BRI3: variants seen among roughly 807,000 people sequenced by gnomAD.
BRI3 encodes the protein brain protein I3.
Under a neutral mutation model 12.8 loss-of-function variants are expected in BRI3, and 6 were observed. That is an observed-to-expected ratio of 0.47 (90% confidence interval 0.26 to 0.93). The LOEUF (loss-of-function observed/expected upper bound fraction) is 0.93. Among genes scored for constraint, BRI3 ranks in the 40% least tolerant of loss-of-function variants. The probability of loss-of-function intolerance (pLI) is 0.15; values close to 1 mark genes in which losing one functional copy is unlikely to be tolerated. For synonymous variants in BRI3, 91 were observed against 76.1 expected (o/e 1.20, Z -1.02); for missense variants, 134 against 171.1 (o/e 0.78, Z 1.21).
At chr7:98,307,628 G>A (rs748005285) in exon 2 of BRI3, 2 of 1,596,850 alleles carry the variant, frequency 1.3e-6, no homozygotes, top group South Asian at 1.1e-5. Context: ...TTTGCAGCTT[G>A]GCTGCTCTGG....
chr7:98,297,305 C>T (rs1800233665), downstream of BRI3, among the ~76,000 whole-genome samples: 1 of 152,240 alleles, frequency 6.6e-6, no homozygotes. Context: ...TTCCAGGGTG[C>T]CCACCACATA....
the BRI3 span, chr7:98,320,268 T>C: frequency 1.2e-6 from 2 of 1,609,894 alleles, no homozygotes; most frequent in Non-Finnish European, 1.7e-6. Flanking sequence ...GAGTTTCTTG[T>C]GGGTACTTGA....
intron 2 of BRI3, among the ~76,000 whole-genome samples, chr7:98,283,271 C>T (rs938851728): frequency 2.0e-5 from 3 of 152,046 alleles, no homozygotes; most frequent in Non-Finnish European, 4.4e-5. Flanking sequence ...TTAAGAAACC[C>T]TGGTTTGGAC....
intron 2 of BRI3, among the ~76,000 whole-genome samples, chr7:98,289,570 C>A (rs190270476): frequency 5.9e-5 from 9 of 152,364 alleles, no homozygotes; most frequent in Admixed American, 2.6e-4. Context: ...CCCCTTCCCC[C>A]CTAAGCACCA....
At chr7:98,317,299 A>G in the BRI3 span, 1 of 1,614,042 alleles carries the variant, frequency 6.2e-7, no homozygotes, top group Non-Finnish European at 8.5e-7. Flanking sequence ...TCAGCTTGGG[A>G]TTTCTCCAAA....
the BRI3 span, among the ~76,000 whole-genome samples, chr7:98,320,628 C>A: frequency 6.6e-6 from 1 of 152,100 alleles, no homozygotes. Flanking sequence ...AGCCGCCGCG[C>A]CAGGCCCATT....
chr7:98,295,151 C>A (rs1253910992), downstream of BRI3, among the ~76,000 whole-genome samples: 2 of 152,236 alleles, frequency 1.3e-5, no homozygotes, highest in African/African-American at 4.8e-5. Context: ...ATGCCCGATG[C>A]CAGCGCTAGA....
intron 2 of BRI3, among the ~76,000 whole-genome samples, chr7:98,289,371 T>G (rs1204431219): frequency 1.3e-5 from 2 of 152,176 alleles, no homozygotes; most frequent in African/African-American, 4.8e-5. Flanking sequence ...CTCCCCAGCC[T>G]GCTTTGCCCA....
intron 2 of BRI3, among the ~76,000 whole-genome samples, chr7:98,284,385 G>T (rs566875864): frequency 1.3e-5 from 2 of 152,328 alleles, no homozygotes; most frequent in South Asian, 4.1e-4. Flanking sequence ...CATGGGATGG[G>T]CCCCTGTGCC....
exon 2 of BRI3, chr7:98,310,290 A>T (rs1800820050): frequency 1.4e-6 from 1 of 705,346 alleles, no homozygotes; most frequent in African/African-American, 1.9e-5. Context: ...TTTCTTCTGA[A>T]CTCACGCTCT....
intron 2 of BRI3, among the ~76,000 whole-genome samples, chr7:98,285,041 C>T (rs1215778770): frequency 6.6e-6 from 1 of 152,154 alleles, no homozygotes; most frequent in Non-Finnish European, 1.5e-5. Context: ...GCGGGGAAGG[C>T]AGGAGTGGGG....
At chr7:98,285,205 C>T (rs1396773878) in intron 2 of BRI3, among the ~76,000 whole-genome samples, 2 of 152,206 alleles carry the variant, frequency 1.3e-5, no homozygotes, top group Admixed American at 6.5e-5. Flanking sequence ...GCGGATGTCG[C>T]TCAGAGGTCC....
chr7:98,315,625 A>AAAAT, the BRI3 span: 2 of 1,131,182 alleles, frequency 1.8e-6, no homozygotes, highest in African/African-American at 3.3e-5. Flanking sequence ...AAAAAAAAAA[A>AAAAT]AATAATAATA....
chr7:98,282,304 C>G (rs1279604765), intron 1 of BRI3, 47 bp from the exon 2 acceptor site: 1 of 1,490,424 alleles, frequency 6.7e-7, no homozygotes, highest in South Asian at 1.1e-5. Flanking sequence ...CCGTGGCGGT[C>G]CGATTTCTCC....
chr7:98,307,470 G>C, intron 1 of BRI3: 1 of 1,409,882 alleles, frequency 7.1e-7, no homozygotes, highest in Non-Finnish European at 9.2e-7. Context: ...GACTTCATAC[G>C]CTCTAATAAC....
At chr7:98,289,471 C>T (rs1480864262) in intron 2 of BRI3, among the ~76,000 whole-genome samples, 1 of 152,220 alleles carries the variant, frequency 6.6e-6, no homozygotes, top group African/African-American at 2.4e-5. Context: ...TAGGGTCCCC[C>T]AGATGGCCAA....
chr7:98,322,220 G>A, the BRI3 span, among the ~76,000 whole-genome samples: 52 of 152,148 alleles, frequency 3.4e-4, no homozygotes, highest in African/African-American at 1.2e-3. Flanking sequence ...CCTCGGCTAT[G>A]ATCACCATAC....
downstream of BRI3, among the ~76,000 whole-genome samples, chr7:98,313,859 G>T (rs897317163): frequency 6.6e-6 from 1 of 151,182 alleles, no homozygotes. Flanking sequence ...GGAACTCCTG[G>T]GCTCAAGTGA....
exon 2 of BRI3, chr7:98,310,380 T>C (rs1452513754): frequency 3.3e-6 from 5 of 1,517,710 alleles, no homozygotes; most frequent in Non-Finnish European, 8.9e-7. Flanking sequence ...AAAATATTTA[T>C]TTCACAGCTT....
Sources: gnomAD v4.1 joint callset for allele counts (sites outside exome capture counted in the v4.1 genomes callset) on GRCh38, gnomAD v4.1.1 for gene constraint, MANE v1.5 for transcripts, NCBI Gene and HGNC (gene_info 2026-07-23, HGNC 2026-07-21) for gene names.